SNX9: variants seen among roughly 807,000 people sequenced by gnomAD.
The protein encoded by SNX9 is sorting nexin 9.
Under a neutral mutation model 89.4 loss-of-function variants are expected in SNX9, and 44 were observed. That is an observed-to-expected ratio of 0.49 (90% confidence interval 0.39 to 0.63). The LOEUF (loss-of-function observed/expected upper bound fraction) is 0.63, where lower values mean the gene tolerates loss of function less well. SNX9 is among the 30% of genes least tolerant of loss of function. The pLI is 0.00. For missense variants in SNX9, 578 were observed against 736.1 expected (o/e 0.79, Z 2.49); for synonymous variants, 236 against 247.8 (o/e 0.95, Z 0.45).
intron 10 of SNX9, among the ~76,000 whole-genome samples, chr6:157,926,139 G>A (rs1381971067): frequency 6.6e-6 from 1 of 152,116 alleles, no homozygotes; most frequent in African/African-American, 2.4e-5. Flanking sequence ...ATTTTGGAGG[G>A]AACACATTCA....
At chr6:157,906,049 G>A (rs1783208583) in intron 6 of SNX9, 79 bp from the exon 7 acceptor site, 4 of 1,198,882 alleles carry the variant, frequency 3.3e-6, no homozygotes, top group Non-Finnish European at 4.8e-6. Flanking sequence ...GTTAAAACTG[G>A]TAAGTAAATG....
chr6:157,892,648 A>G (rs1782887822), intron 4 of SNX9: 1 of 152,192 alleles, frequency 6.6e-6, no homozygotes, highest in Non-Finnish European at 1.5e-5. Flanking sequence ...TGCCCTAATT[A>G]AATGGATTTT....
rs368599095 is a variant in SNX9, at chr6:157,887,895, C to G, written c.301-8932C>G. On this transcript the variant is annotated intron_variant, in intron 4 of 17. Coordinates refer to ENST00000392185, the MANE Select transcript of SNX9 (RefSeq NM_016224.5). ...CTTCCCTACAGGACAGTTGTGGAAC[C>G]GGGATTTGAAGCCTGGAAGCTGGGC... Among the ~76,000 whole-genome samples, 32 of 152,258 alleles carry G rather than the reference C, an allele frequency of 2.1e-4. No homozygotes were observed. In the Middle Eastern group the frequency reaches 0.014, roughly 65 times the overall value.
At chr6:157,862,306 G>T (rs908152491) in intron 1 of SNX9, among the ~76,000 whole-genome samples, 12 of 152,152 alleles carry the variant, frequency 7.9e-5, no homozygotes, top group African/African-American at 2.9e-4. Context: ...ATCTTAATAA[G>T]TCAAGATAAG....
intron 13 of SNX9, among the ~76,000 whole-genome samples, chr6:157,933,945 CTACT>C (rs1783868986): frequency 6.6e-6 from 1 of 152,180 alleles, no homozygotes; most frequent in Admixed American, 6.5e-5. Context: ...GAATATCATT[CTACT>C]TAAGATAATA....
chr6:157,924,784 A>T (rs1420511114), intron 10 of SNX9: 5 of 152,210 alleles, frequency 3.3e-5, no homozygotes, highest in African/African-American at 9.6e-5. Context: ...TGATATTTTT[A>T]AAAAGATTGG....
intron 9 of SNX9, among the ~76,000 whole-genome samples, chr6:157,910,976 G>T (rs1226529841): frequency 6.6e-6 from 1 of 152,112 alleles, no homozygotes; most frequent in Non-Finnish European, 1.5e-5. Context: ...AGCCCGGTGT[G>T]GTGGTGTGCA....
chr6:157,941,199 G>A (rs145159310), intron 17 of SNX9, among the ~76,000 whole-genome samples: 192 of 152,236 alleles, frequency 1.3e-3, no homozygotes, highest in African/African-American at 4.4e-3. Context: ...AGGGGTCTTG[G>A]ATGCTAGTTG....
At chr6:157,938,173 C>T (rs1169051529) in intron 15 of SNX9, among the ~76,000 whole-genome samples, 1 of 152,170 alleles carries the variant, frequency 6.6e-6, no homozygotes, top group Non-Finnish European at 1.5e-5. Flanking sequence ...CTTAAAAAAT[C>T]AAAGGAAAGC....
At chr6:157,927,025 G>A (rs1783707750) in intron 10 of SNX9, 86 bp from the exon 11 acceptor site, 1 of 967,734 alleles carries the variant, frequency 1.0e-6, no homozygotes, top group Admixed American at 1.9e-5. Flanking sequence ...AGATAAAGGT[G>A]ATAAATGAGC....
intron 4 of SNX9, among the ~76,000 whole-genome samples, chr6:157,878,454 G>C (rs1443009709): frequency 6.7e-6 from 1 of 149,718 alleles, no homozygotes; most frequent in Non-Finnish European, 1.5e-5. Context: ...TTTTGAGACG[G>C]AGTCTCGCTC....
At chr6:157,825,189 A>G (rs1781318647) in intron 1 of SNX9, among the ~76,000 whole-genome samples, 1 of 152,210 alleles carries the variant, frequency 6.6e-6, no homozygotes, top group Non-Finnish European at 1.5e-5. Context: ...CGGAGGTTGC[A>G]GTGATCCGAG....
At chr6:157,877,751 A>C (rs1422832358) in intron 4 of SNX9, among the ~76,000 whole-genome samples, 1 of 152,004 alleles carries the variant, frequency 6.6e-6, no homozygotes, top group Non-Finnish European at 1.5e-5. Context: ...CCATGGGCAC[A>C]TCCCCTCTCA....
At chr6:157,901,357 G>A (rs765518226) in intron 5 of SNX9, among the ~76,000 whole-genome samples, 2 of 152,168 alleles carry the variant, frequency 1.3e-5, no homozygotes, top group Non-Finnish European at 2.9e-5. Context: ...AGTCCCGCCT[G>A]TTATTTTTGA....
intron 4 of SNX9, among the ~76,000 whole-genome samples, chr6:157,893,292 G>C (rs752248122): frequency 4.6e-5 from 7 of 152,194 alleles, no homozygotes; most frequent in Non-Finnish European, 7.3e-5. Context: ...GTGTGTTTGA[G>C]AAGTCACAGT....
rs2084790593 is a variant in SNX9 at position 157,875,085 on chromosome 6, G to A, written c.209G>A (p.Cys70Tyr). The change falls in exon 4 of 18, where the codon TGT (cysteine) becomes TAT (tyrosine). Residue 70 changes from cysteine to tyrosine, a missense_variant. Physicochemically the swap from Cys to Tyr is radical, Grantham distance 194 (BLOSUM62 -2). Around this residue, in one of 2 missense-constraint regions of SNX9, gnomAD observed 230 missense variants for 244.7 expected, o/e 0.94. Coordinates refer to ENST00000392185, the MANE Select transcript of SNX9 (RefSeq NM_016224.5). ...AGTGATGGAAAAGATCAATTTTCTT[G>A]TGGAAATTCAGTGGCTGACCAAGCC... ...LPSDGKDQFS[C>Y]GNSVADQAFL... is the part of the protein sequence containing the mutation. The A allele has an allele frequency of 6.2e-7, 1 of 1,613,922 alleles. No homozygotes were observed. The highest frequency in any genetic ancestry group is 1.7e-5 in the Admixed American group (1 of 59,992).
intron 2 of SNX9, among the ~76,000 whole-genome samples, chr6:157,870,915 T>C (rs1254783449): frequency 6.6e-6 from 1 of 152,232 alleles, no homozygotes; most frequent in Non-Finnish European, 1.5e-5. Flanking sequence ...CACACTCACC[T>C]GCTGTCATGC....
intron 1 of SNX9, among the ~76,000 whole-genome samples, chr6:157,859,314 A>AATAT (rs1285912840): frequency 1.3e-5 from 2 of 152,264 alleles, no homozygotes; most frequent in African/African-American, 4.8e-5. Context: ...AATACTGGCA[A>AATAT]ATATAAATAT....
chr6:157,874,515 G>A (rs551518937), intron 3 of SNX9: 1 of 152,166 alleles, frequency 6.6e-6, no homozygotes, highest in Non-Finnish European at 1.5e-5. Flanking sequence ...ATTAGAAATA[G>A]ATCCTGCAGG....
Sources: gnomAD v4.1 joint callset for allele counts (sites outside exome capture counted in the v4.1 genomes callset) on GRCh38, gnomAD v4.1.1 for gene constraint, gnomAD v4.1.1 regional missense constraint, MANE v1.5 for transcripts, NCBI Gene and HGNC (gene_info 2026-07-23, HGNC 2026-07-21) for gene names.